WDR11: variants seen among roughly 807,000 people sequenced by gnomAD.
WDR11 encodes the protein WD repeat domain 11, also known as WD repeat-containing protein 11.
WDR11 carries 83 observed loss-of-function variants against 151.2 expected under a neutral mutation model. That is an observed-to-expected ratio of 0.55 (90% confidence interval 0.46 to 0.66). The LOEUF (loss-of-function observed/expected upper bound fraction) is 0.66, where lower values mean the gene tolerates loss of function less well. WDR11 is among the 30% of genes least tolerant of loss of function. The pLI is 0.00. For missense variants in WDR11, 1,301 were observed against 1,480.9 expected, an observed-to-expected ratio of 0.88 and a Z score of 1.99; for synonymous variants, 484 against 533.1, an observed-to-expected ratio of 0.91 and a Z score of 1.27.
At position 120,865,737 on chromosome 10, in the gene WDR11, G is replaced by A; in HGVS notation, c.987G>A (p.Glu329=). 6.3e-7 allele frequency: 1 copy of A among 1,589,988 alleles called. No individual in the cohort carries two copies. The highest frequency in any genetic ancestry group is 8.6e-7 in the Non-Finnish European group (1 of 1,160,496). The stretch of plus-strand genomic sequence containing the variant: ...ATAACATTTTTACCACTTCAAATGA[G>A]GAACCAGGTGAGTTTCTGTCTCACA... ...SYNNIFTTSN[E]EPDPDPVQEL... The change falls in exon 7 of 29, where the codon GAG becomes GAA. Residue 329 remains glutamate (E), a synonymous_variant. Transcript: ENST00000263461.
intron 10 of WDR11, 58 bp downstream of exon 10, chr10:120,871,404 TC>T (rs2133756951): frequency 6.5e-7 from 1 of 1,527,280 alleles, no homozygotes; most frequent in East Asian, 2.2e-5. Context: ...GTTTAGGTTT[TC>T]TAGTTTCTAG....
At chr10:120,888,473 G>A (rs1053057361) in intron 16 of WDR11, among the ~76,000 whole-genome samples, 8 of 152,168 alleles carry the variant, frequency 5.3e-5, no homozygotes, top group Middle Eastern at 3.2e-3. Context: ...CTTCCTCCAA[G>A]TTAGATTGAC....
In WDR11 at chr10:120,860,111, G is replaced by A. The variant is rs769868548; in HGVS notation, c.355G>A (p.Val119Ile). 14 of 1,614,142 alleles carry A rather than the reference G, an allele frequency of 8.7e-6. No homozygotes were observed. Among genetic ancestry groups the A allele is most frequent in the Middle Eastern group, 1.6e-4 (1 of 6,062 alleles). ...IQEHAKPIQD[V>I]QWLWNQDASR... The stretch of plus-strand genomic sequence containing the variant: ...CTTTCTTTATCGGGTCTTTCCAGAT[G>A]TTCAGTGGTTGTGGAATCAAGATGC... Residue 119 changes from valine to isoleucine, a missense_variant and splice_region_variant, in exon 4 of 29, where the codon GTT (valine) becomes ATT (isoleucine). Transcript: ENST00000263461.
intron 9 of WDR11, among the ~76,000 whole-genome samples, chr10:120,869,687 TGAA>T (rs1846459899): frequency 6.6e-6 from 1 of 152,208 alleles, no homozygotes; most frequent in Non-Finnish European, 1.5e-5. Context: ...GAAAAATACT[TGAA>T]GAAAAATGTG....
chr10:120,881,873 A>G (rs552296467), intron 13 of WDR11, among the ~76,000 whole-genome samples: 7 of 152,110 alleles, frequency 4.6e-5, no homozygotes, highest in Admixed American at 4.6e-4. Context: ...GACCTCCTGT[A>G]TAGTGTTGAT....
intron 12 of WDR11, among the ~76,000 whole-genome samples, chr10:120,878,809 G>A (rs1846896849): frequency 1.3e-5 from 2 of 152,070 alleles, no homozygotes; most frequent in South Asian, 2.1e-4. Context: ...AGTCTGTGCT[G>A]GAAATTTTGG....
chr10:120,862,934 T>G lies in WDR11; in HGVS notation c.713+13T>G. 6.4e-7 allele frequency: 1 copy of G among 1,554,646 alleles called. No individual in the cohort carries two copies. The highest frequency in any genetic ancestry group is 8.9e-7 in the Non-Finnish European group (1 of 1,126,030). On this transcript the variant is annotated intron_variant, in intron 5 of 28. Coordinates refer to ENST00000263461, the MANE Select transcript of WDR11 (RefSeq NM_018117.12). The stretch of plus-strand genomic sequence containing the variant: ...AAGAGAAACCTAGGTAAGTTACAAG[T>G]GTAAAATTAACATTCATCTACTTAT...
chr10:120,901,248 G>T, intron 21 of WDR11, 150 bp downstream of exon 21: 1 of 721,606 alleles, frequency 1.4e-6, no homozygotes, highest in Non-Finnish European at 2.4e-6. Flanking sequence ...TTTGCTTCCC[G>T]TTAGAGTCTG....
At chr10:120,871,399 G>A (rs1168404572) in intron 10 of WDR11, 53 bp downstream of exon 10, 1 of 1,553,208 alleles carries the variant, frequency 6.4e-7, no homozygotes, top group Non-Finnish European at 8.8e-7. Context: ...AAGATGTTTA[G>A]GTTTTCTAGT....
At chr10:120,856,575 C>CAAAA (rs71019798) in intron 2 of WDR11, among the ~76,000 whole-genome samples, 17 of 101,870 alleles carry the variant, frequency 1.7e-4, no homozygotes, top group East Asian at 8.2e-4. Context: ...ACTCTGTCTC[C>CAAAA]AAAAAAAAAA....
Position 120,908,605 on chromosome 10 carries a change from C to G in WDR11, c.3567C>G (p.Asn1189Lys). ...IYADYARSLKNLGFKQGAVLF... is the reference protein window; with the variant it reads ...IYADYARSLKKLGFKQGAVLF... ...CAGATTATGCCCGGAGTTTGAAGAACCTCGGTTTTAAGCAGGGAGCAGTTC... is the reference window on the plus strand; with the variant it reads ...CAGATTATGCCCGGAGTTTGAAGAAGCTCGGTTTTAAGCAGGGAGCAGTTC... The change falls in exon 29 of 29, where the codon AAC (asparagine) becomes AAG (lysine). Residue 1189 changes from asparagine (N) to lysine (K), a missense_variant. By Grantham distance (94) the Asn-to-Lys change is moderately conservative. Coordinates refer to ENST00000263461, the MANE Select transcript of WDR11 (RefSeq NM_018117.12). 1.2e-6 allele frequency: 2 copies of G among 1,614,228 alleles called. No individual in the cohort carries two copies. Among genetic ancestry groups the G allele is most frequent in the Non-Finnish European group, 1.7e-6 (2 of 1,180,040 alleles).
intron 19 of WDR11, among the ~76,000 whole-genome samples, chr10:120,896,206 G>A (rs754869): frequency 0.35 from 53,245 of 151,964 alleles, 9,365 homozygotes; most frequent in Admixed American, 0.43. Context: ...AAAAGAGCAC[G>A]TATAGCCTGC....
In WDR11 at chr10:120,860,291, C is replaced by T. The variant is rs773890087; in HGVS notation, c.526+9C>T. 2 of 1,612,464 alleles carry T rather than the reference C, an allele frequency of 1.2e-6. No homozygotes were observed. Among genetic ancestry groups the T allele is most frequent in the African/African-American group, 1.3e-5 (1 of 74,876 alleles). On this transcript the variant is annotated intron_variant, in intron 4 of 28. Transcript: ENST00000263461. ...TCCCTCACATTTAACTTGTGAGTAACAGTTGCTTGTGGAAAATGAGTTAAG... is the reference window on the plus strand; with the variant it reads ...TCCCTCACATTTAACTTGTGAGTAATAGTTGCTTGTGGAAAATGAGTTAAG...
chr10:120,906,667 T>C (rs1490793923), intron 27 of WDR11, 109 bp from the exon 28 acceptor site: 8 of 1,596,296 alleles, frequency 5.0e-6, no homozygotes, highest in Non-Finnish European at 6.8e-6. Flanking sequence ...CTTAATGCAG[T>C]ATGCAGGTTT....
At chr10:120,873,734 A>G in intron 10 of WDR11, 105 bp from the exon 11 acceptor site, 1 of 801,234 alleles carries the variant, frequency 1.2e-6, no homozygotes, top group Non-Finnish European at 2.2e-6. Flanking sequence ...TTTCTTTTAT[A>G]AAAGATAAAT....
Position 120,865,643 on chromosome 10 carries a change from T to C in WDR11, c.893T>C (p.Phe298Ser). The C allele has an allele frequency of 6.2e-7, 1 of 1,609,000 alleles. No homozygotes were observed. Among genetic ancestry groups the C allele is most frequent in the East Asian group, 2.2e-5 (1 of 44,726 alleles). ...ATCTATTTAAAGGTAATACCCTGCT[T>C]TCAGCGTGATGGTTTATTTTGTCTA... Reference protein sequence around the residue: ...GVPFLQVIPCFQRDGLFCLHE... With the variant: ...GVPFLQVIPCSQRDGLFCLHE... The change falls in exon 7 of 29, where the codon TTT (phenylalanine) becomes TCT (serine). Residue 298 changes from phenylalanine (F) to serine (S), a missense_variant. By Grantham distance (155) the Phe-to-Ser change is radical. This residue lies in a region of WDR11 where 692 missense variants were observed against 762.5 expected (regional missense o/e 0.91). Transcript: ENST00000263461.
intron 27 of WDR11, 182 bp from the exon 28 acceptor site, chr10:120,906,594 T>C: frequency 6.8e-7 from 1 of 1,460,764 alleles, no homozygotes. Context: ...AGCTTGTGTT[T>C]GGAGATGTGA....
intron 4 of WDR11, among the ~76,000 whole-genome samples, chr10:120,860,818 T>G (rs1846112175): frequency 6.6e-6 from 1 of 152,200 alleles, no homozygotes; most frequent in East Asian, 1.9e-4. Flanking sequence ...GAGATGTGCT[T>G]TAGGTATTTT....
At chr10:120,889,784 T>C in intron 17 of WDR11, 111 bp from the exon 18 acceptor site, 1 of 788,016 alleles carries the variant, frequency 1.3e-6, no homozygotes, top group Non-Finnish European at 2.2e-6. Context: ...TAAAGGGTTC[T>C]CCCATCATCA....
Sources: allele counts gnomAD v4.1 joint callset (sites outside exome capture counted in the v4.1 genomes callset), GRCh38; gene constraint gnomAD v4.1.1; regional missense constraint gnomAD v4.1.1; transcripts MANE v1.5; gene names NCBI Gene and HGNC (gene_info 2026-07-23, HGNC 2026-07-21).